Variants in BCAS3 observed in about 807,000 individuals in gnomAD.
BCAS3 encodes BCAS4/BCAS3 fusion.
In BCAS3, 53 loss-of-function variants were observed where a neutral mutation model predicts 116.1. The observed-to-expected ratio is 0.46, with a 90% CI of 0.37 to 0.57. The LOEUF is 0.57. BCAS3 is among the 20% of genes least tolerant of loss of function. The pLI is 0.00. For missense variants in BCAS3, 917 were observed against 1,165.4 expected (o/e 0.79, Z 3.10); for synonymous variants, 391 against 408.2 (o/e 0.96, Z 0.51).
chr17:60,807,752 A>G (rs2048411576), intron 6 of BCAS3, among the ~76,000 whole-genome samples: 1 of 151,642 alleles, frequency 6.6e-6, no homozygotes, highest in African/African-American at 2.4e-5. Flanking sequence ...ACTGCACTCC[A>G]GCCTGGGTGA....
intron 22 of BCAS3, among the ~76,000 whole-genome samples, chr17:61,163,997 C>CAA (rs71148384): frequency 0.019 from 2,182 of 112,102 alleles, 73 homozygotes; most frequent in African/African-American, 0.072. Flanking sequence ...AACTCCATCT[C>CAA]AAAAAAAAAA....
chr17:60,793,942 C>T (rs906961693), intron 6 of BCAS3, among the ~76,000 whole-genome samples: 8 of 152,166 alleles, frequency 5.3e-5, no homozygotes, highest in African/African-American at 1.9e-4. Flanking sequence ...GATGCTGGAT[C>T]AAATGGTCGT....
chr17:61,093,614 G>A (rs2073772555), intron 22 of BCAS3, among the ~76,000 whole-genome samples: 1 of 152,190 alleles, frequency 6.6e-6, no homozygotes, highest in Non-Finnish European at 1.5e-5. Context: ...TTATTTTGAT[G>A]TAGGGCAGGG....
intron 22 of BCAS3, among the ~76,000 whole-genome samples, chr17:61,263,112 G>A (rs2049372543): frequency 1.3e-5 from 2 of 152,182 alleles, no homozygotes; most frequent in South Asian, 4.1e-4. Context: ...GAAACCAATG[G>A]CACACACAGA....
In BCAS3 at chr17:61,186,565, G is replaced by A. The variant is rs1467230507; in HGVS notation, c.2425+102001G>A. 6.6e-6 allele frequency among the ~76,000 whole-genome samples: 1 copy of A among 151,856 alleles called. No individual in the cohort carries two copies. Among genetic ancestry groups the A allele is most frequent in the Non-Finnish European group, 1.5e-5 (1 of 67,968 alleles). On this transcript the variant is annotated intron_variant, in intron 22 of 23. Transcript: ENST00000407086. The surrounding 1 kb of genome is among the most constrained non-coding windows in gnomAD (Gnocchi z 4.9). ...AATATGCTCATAACTTATTTTAATT[G>A]TTCATTTGAATTTTTGTCTTCATAT...
chr17:60,799,186 AT>A, intron 6 of BCAS3, among the ~76,000 whole-genome samples: 1 of 152,348 alleles, frequency 6.6e-6, no homozygotes, highest in Non-Finnish European at 1.5e-5. Flanking sequence ...AAAGAAAACC[AT>A]TTTTAAAGCA....
rs1299119879 is a variant in BCAS3 at position 61,198,216 on chromosome 17, C to T, written c.2425+113652C>T. Reference sequence around the variant, plus strand: ...AGTGCAGTGGCCCAATCTCAGCTTACTGCAAGCTCCACCTCCCAGGTTCAT... The same window carrying T: ...AGTGCAGTGGCCCAATCTCAGCTTATTGCAAGCTCCACCTCCCAGGTTCAT... On this transcript the variant is annotated intron_variant, in intron 22 of 23. Coordinates refer to ENST00000407086, the MANE Select transcript of BCAS3 (RefSeq NM_017679.5). The surrounding 1 kb of genome is among the most constrained non-coding windows in gnomAD (Gnocchi z 5.0). Among the ~76,000 whole-genome samples, 1 of 150,622 alleles carries T rather than the reference C, an allele frequency of 6.6e-6. No individual in the cohort carries two copies. The highest frequency in any genetic ancestry group is 2.4e-5 in the African/African-American group (1 of 40,848).
At chr17:61,062,016 C>T (rs955249635) in intron 19 of BCAS3, among the ~76,000 whole-genome samples, 3 of 152,074 alleles carry the variant, frequency 2.0e-5, no homozygotes, top group Non-Finnish European at 4.4e-5. Context: ...AACACATAAC[C>T]CACTATGCAA....
intron 13 of BCAS3, among the ~76,000 whole-genome samples, chr17:60,940,244 G>A (rs1263726213): frequency 6.6e-6 from 1 of 152,146 alleles, no homozygotes; most frequent in African/African-American, 2.4e-5. Flanking sequence ...ACTTTTGTAA[G>A]GGATCAGCTA....
intron 22 of BCAS3, among the ~76,000 whole-genome samples, chr17:61,284,192 A>G (rs1038179832): frequency 1.3e-5 from 2 of 152,216 alleles, no homozygotes; most frequent in African/African-American, 4.8e-5. Context: ...GGATGTGGGC[A>G]GGGCCAAATA....
rs1205019467 is a variant in BCAS3 at position 61,021,323 on chromosome 17, G to T, written c.1637+5422G>T. 1.3e-5 allele frequency among the ~76,000 whole-genome samples: 2 copies of T among 152,146 alleles called. No individual in the cohort carries two copies. Among genetic ancestry groups the T allele is most frequent in the African/African-American group, 4.8e-5 (2 of 41,430 alleles). On this transcript the variant is annotated intron_variant, in intron 16 of 23. Transcript: ENST00000407086. The surrounding 1 kb of genome is among the most constrained non-coding windows in gnomAD (Gnocchi z 4.6). ...GATCCAACTGCCTTAGCCTCCCAAAGTGCTGGGATTATAGGCATGAGCAAC... is the reference window on the plus strand; with the variant it reads ...GATCCAACTGCCTTAGCCTCCCAAATTGCTGGGATTATAGGCATGAGCAAC...
At chr17:60,750,814 C>T (rs548024317) in intron 6 of BCAS3, among the ~76,000 whole-genome samples, 1 of 152,266 alleles carries the variant, frequency 6.6e-6, no homozygotes, top group South Asian at 2.1e-4. Context: ...TTTGTTATTT[C>T]CTCTTCTAGA....
intron 7 of BCAS3, among the ~76,000 whole-genome samples, chr17:60,855,867 A>G (rs1327609774): frequency 6.6e-6 from 1 of 151,780 alleles, no homozygotes; most frequent in Non-Finnish European, 1.5e-5. Context: ...TATTTTTTGT[A>G]AACAGGGTTT....
At position 60,958,859 on chromosome 17, in the gene BCAS3, A is replaced by T. The variant is rs950686806; in HGVS notation, c.1221+11507A>T. Among the ~76,000 whole-genome samples the T allele has an allele frequency of 2.0e-5, 3 of 152,232 alleles. No individual in the cohort carries two copies. The East Asian group carries it at 5.8e-4, about 29-fold the overall frequency. On this transcript the variant is annotated intron_variant, in intron 14 of 23. Transcript: ENST00000407086. ...CACATGTGGAGACAACTTATTTTTG[A>T]CAAAGGTGCAAAGATACAAAGTGGA...
Position 61,200,685 on chromosome 17 carries a change from T to G in BCAS3, c.2425+116121T>G, listed in dbSNP as rs2080768328. Among the ~76,000 whole-genome samples the G allele has an allele frequency of 6.6e-6, 1 of 152,256 alleles. No homozygotes were observed. The highest frequency in any genetic ancestry group is 2.1e-4 in the South Asian group (1 of 4,836). On this transcript the variant is annotated intron_variant, in intron 22 of 23. Coordinates refer to ENST00000407086, the MANE Select transcript of BCAS3 (RefSeq NM_017679.5). This position sits in a 1 kb window ranked among gnomAD's most constrained non-coding sequence, Gnocchi z 5.1. ...TGGCTCTCTTATTATATTAGTATCTTTTTACTATTATCTTGCTTCTGTTTC... is the reference window on the plus strand; with the variant it reads ...TGGCTCTCTTATTATATTAGTATCTGTTTACTATTATCTTGCTTCTGTTTC...
intron 6 of BCAS3, among the ~76,000 whole-genome samples, chr17:60,774,780 A>G (rs1235758744): frequency 2.6e-5 from 4 of 152,240 alleles, no homozygotes; most frequent in Non-Finnish European, 5.9e-5. Context: ...AAAAGCAGCC[A>G]TTGACAATAC....
At chr17:60,742,819 T>C (rs1343289251) in intron 5 of BCAS3, among the ~76,000 whole-genome samples, 4 of 151,746 alleles carry the variant, frequency 2.6e-5, no homozygotes, top group Non-Finnish European at 5.9e-5. Flanking sequence ...ATGGATAAAA[T>C]TGTAATATTT....
Position 61,286,557 on chromosome 17 carries a change from C to A in BCAS3, c.2426-81770C>A, listed in dbSNP as rs2051809800. Among the ~76,000 whole-genome samples the A allele has an allele frequency of 6.6e-6, 1 of 152,126 alleles. No individual in the cohort carries two copies. The highest frequency in any genetic ancestry group is 2.1e-4 in the South Asian group (1 of 4,826). On this transcript the variant is annotated intron_variant, in intron 22 of 23. Coordinates refer to ENST00000407086, the MANE Select transcript of BCAS3 (RefSeq NM_017679.5). This position sits in a 1 kb window ranked among gnomAD's most constrained non-coding sequence, Gnocchi z 4.8. ...TGCTTGGTGCACGACCAAAAAGTAA[C>A]ATGTCAGAATAGGGATTTTCACACC...
chr17:60,706,910 G>A (rs1332690967), intron 4 of BCAS3, among the ~76,000 whole-genome samples: 1 of 151,044 alleles, frequency 6.6e-6, no homozygotes, highest in Non-Finnish European at 1.5e-5. Flanking sequence ...GACCTCCCGG[G>A]CTCAAGCTAT....
Sources: gnomAD v4.1 joint callset for allele counts (sites outside exome capture counted in the v4.1 genomes callset) on GRCh38, gnomAD v4.1.1 for gene constraint, Gnocchi (gnomAD v3.1) non-coding constraint, MANE v1.5 for transcripts, NCBI Gene and HGNC (gene_info 2026-07-23, HGNC 2026-07-21) for gene names.